Variants in DDX60 observed in about 807,000 individuals in gnomAD.
The protein encoded by DDX60 is probable ATP-dependent RNA helicase DDX60.
DDX60 carries 165 observed loss-of-function variants against 212.8 expected under a neutral mutation model. That is an observed-to-expected ratio of 0.78 (90% CI 0.68 to 0.88). DDX60 has a LOEUF of 0.88. Ranked by LOEUF, DDX60 falls within the 40% of genes least tolerant of loss-of-function variation. DDX60 has a pLI of 0.00. For missense variants in DDX60, 1,905 were observed against 2,003.9 expected (o/e 0.95, Z 0.94); for synonymous variants, 703 against 685.3 (o/e 1.03, Z -0.40).
At chr4:168,286,042 G>C (rs1465115194) in intron 10 of DDX60, among the ~76,000 whole-genome samples, 1 of 126,682 alleles carries the variant, frequency 7.9e-6, no homozygotes, top group Non-Finnish European at 1.6e-5. Flanking sequence ...AGGAAGGAAA[G>C]AAAAAAGAAA....
chr4:168,218,386 A>T (rs1220013681), intron 37 of DDX60, among the ~76,000 whole-genome samples: 2 of 152,138 alleles, frequency 1.3e-5, no homozygotes, highest in African/African-American at 2.4e-5. Context: ...ATCTTTACCA[A>T]CTGCATAAAT....
chr4:168,284,201 T>C (rs1208062578), intron 12 of DDX60, among the ~76,000 whole-genome samples: 1 of 152,220 alleles, frequency 6.6e-6, no homozygotes, highest in Admixed American at 6.5e-5. Context: ...TAATGGTTCA[T>C]CTAAAGTATC....
intron 37 of DDX60, among the ~76,000 whole-genome samples, chr4:168,219,138 A>AC: frequency 6.6e-6 from 1 of 151,916 alleles, no homozygotes; most frequent in East Asian, 1.9e-4. Flanking sequence ...AAAAAAAAAA[A>AC]AAAATTAGCC....
chr4:168,234,905 A>C (rs1733578572), intron 33 of DDX60, among the ~76,000 whole-genome samples: 1 of 152,104 alleles, frequency 6.6e-6, no homozygotes, highest in African/African-American at 2.4e-5. Flanking sequence ...AGTAAGCCTC[A>C]TTTATGCTTT....
At chr4:168,242,363 C>T (rs1733875114) in intron 30 of DDX60, among the ~76,000 whole-genome samples, 1 of 152,164 alleles carries the variant, frequency 6.6e-6, no homozygotes, top group African/African-American at 2.4e-5. Context: ...GCGCTGTGTG[C>T]CCGGAAAAGC....
intron 26 of DDX60, 133 bp downstream of exon 26, chr4:168,255,578 T>G (rs1047813798): frequency 1.4e-6 from 1 of 692,814 alleles, no homozygotes; most frequent in African/African-American, 1.9e-5. Flanking sequence ...CTCACCCAAA[T>G]GTACTCAATT....
At chr4:168,273,863 T>C (rs1735209648) in intron 17 of DDX60, 71 bp downstream of exon 17, 1 of 1,517,380 alleles carries the variant, frequency 6.6e-7, no homozygotes, top group Non-Finnish European at 8.9e-7. Flanking sequence ...ATCTACCATG[T>C]GACCATGTTC....
chr4:168,293,691 A>G, intron 7 of DDX60, 96 bp downstream of exon 7: 1 of 1,068,692 alleles, frequency 9.4e-7, no homozygotes, highest in Non-Finnish European at 1.3e-6. Context: ...AGAGAAAAAC[A>G]TGAAGTACCA....
rs1238827780 is a variant in DDX60 at position 168,275,454 on chromosome 4, C to T, written c.2195G>A (p.Gly732Asp). 3.1e-6 allele frequency: 5 copies of T among 1,610,894 alleles called. No homozygotes were observed. The highest frequency in any genetic ancestry group is 4.2e-6 in the Non-Finnish European group (5 of 1,178,640). ...KVKKRNKYSVGIGPARFQLQY... is the reference protein window; with the variant it reads ...KVKKRNKYSVDIGPARFQLQY... ...CAGTTGGAACCGAGCTGGCCCAATG[C>T]CAACTGAATATTTATTCCTTTTCTT... Residue 732 changes from glycine to aspartate, a missense_variant, in exon 16 of 38, where the codon GGC becomes GAC. By Grantham distance (94) the Gly-to-Asp change is moderately conservative. Coordinates refer to ENST00000393743, the MANE Select transcript of DDX60 (RefSeq NM_017631.6).
chr4:168,271,950 T>C, intron 19 of DDX60, 93 bp downstream of exon 19: 1 of 1,019,524 alleles, frequency 9.8e-7, no homozygotes, highest in Non-Finnish European at 1.5e-6. Flanking sequence ...CTGAACTCCA[T>C]CCAAGGGGAT....
At chr4:168,316,927 A>T (rs1737411191) in intron 1 of DDX60, among the ~76,000 whole-genome samples, 1 of 151,886 alleles carries the variant, frequency 6.6e-6, no homozygotes. Flanking sequence ...GCATGGTGAC[A>T]GTCACCTGTA....
chr4:168,294,989 A>G (rs553156870), intron 6 of DDX60, among the ~76,000 whole-genome samples: 1 of 152,342 alleles, frequency 6.6e-6, no homozygotes, highest in African/African-American at 2.4e-5. Context: ...GTTAATAATT[A>G]TACCAATAAT....
intron 28 of DDX60, 80 bp downstream of exon 28, chr4:168,250,874 G>A: frequency 6.5e-6 from 8 of 1,230,868 alleles, no homozygotes; most frequent in Middle Eastern, 2.2e-4. Context: ...AAAAATGGTG[G>A]TTGTATTCTT....
chr4:168,237,160 T>G, intron 32 of DDX60, 126 bp downstream of exon 32: 1 of 614,652 alleles, frequency 1.6e-6, no homozygotes, highest in Non-Finnish European at 2.4e-6. Flanking sequence ...ATTGAAGATC[T>G]ATAAATTATC....
intron 1 of DDX60, among the ~76,000 whole-genome samples, chr4:168,314,414 G>A (rs1464528497): frequency 6.6e-6 from 1 of 151,976 alleles, no homozygotes; most frequent in African/African-American, 2.4e-5. Context: ...TAAGCATGAT[G>A]CAGAGACAGA....
Position 168,267,693 on chromosome 4 carries a change from T to G in DDX60, c.2930-2A>C. The G allele has an allele frequency of 1.3e-6, 2 of 1,572,738 alleles. No homozygotes were observed. The highest frequency in any genetic ancestry group is 1.7e-6 in the Non-Finnish European group (2 of 1,159,686). ...CATTATACCTCTCTCCATAGAGCAC[T>G]AAAAATGAAGAACAAGAATTTCCAC... On this transcript the variant is annotated splice_acceptor_variant, in intron 21 of 37. Coordinates refer to ENST00000393743, the MANE Select transcript of DDX60 (RefSeq NM_017631.6). LOFTEE classifies it high-confidence loss of function.
intron 14 of DDX60, among the ~76,000 whole-genome samples, chr4:168,276,867 T>C (rs944703541): frequency 1.3e-5 from 2 of 152,212 alleles, no homozygotes; most frequent in African/African-American, 2.4e-5. Flanking sequence ...TTATGCACTG[T>C]TTTTCTAGGT....
chr4:168,280,449 T>C lies in DDX60; in HGVS notation c.1864A>G (p.Ser622Gly), dbSNP rs367827433. Residue 622 changes from serine (S) to glycine (G), a missense_variant, in exon 14 of 38, where the codon AGC becomes GGC. Transcript: ENST00000393743. Reference protein sequence around the residue: ...LKENLHSGIKSLEDFLKSCKS... With the variant: ...LKENLHSGIKGLEDFLKSCKS... ...CAGGATTTCAAAAAATCTTCCAGGC[T>C]CTTTATTCCAGAGTGTAAATTTTCT... 2 of 1,614,188 alleles carry C rather than the reference T, an allele frequency of 1.2e-6. No homozygotes were observed. The highest frequency in any genetic ancestry group is 1.7e-6 in the Non-Finnish European group (2 of 1,180,010).
intron 10 of DDX60, among the ~76,000 whole-genome samples, chr4:168,285,937 A>AAGGAAGGAAGGG (rs1560858900): frequency 1.0e-5 from 1 of 97,216 alleles, no homozygotes; most frequent in African/African-American, 4.3e-5. Context: ...GGAAGGAAGG[A>AAGGAAGGAAGGG]AGGGAGGAAG....
Sources: allele counts gnomAD v4.1 joint callset (sites outside exome capture counted in the v4.1 genomes callset), GRCh38; gene constraint gnomAD v4.1.1; transcripts MANE v1.5; gene names NCBI Gene and HGNC (gene_info 2026-07-23, HGNC 2026-07-21).